The following DIAPH3 variants were observed in gnomAD, a reference collection of about 807,000 sequenced individuals.
DIAPH3 encodes diaphanous related formin 3, also known as protein diaphanous homolog 3.
A neutral mutation model predicts 144.3 loss-of-function variants in DIAPH3; 117 were observed. The ratio of observed to expected loss-of-function variants is 0.81; its 90% CI spans 0.70 to 0.95. DIAPH3 has a LOEUF of 0.95. DIAPH3 is among the 40% of genes least tolerant of loss of function. The pLI is 0.00. For missense variants in DIAPH3, 1,421 were observed against 1,412.7 expected (o/e 1.01, Z -0.09); for synonymous variants, 519 against 488.9 (o/e 1.06, Z -0.81).
chr13:59,895,389 T>C (rs1248100796), intron 20 of DIAPH3, among the ~76,000 whole-genome samples: 2 of 110,044 alleles, frequency 1.8e-5, no homozygotes, highest in East Asian at 2.6e-4. Flanking sequence ...TAATGGAAAA[T>C]AGCAGACTTG....
At chr13:59,744,728 T>C (rs1232234174) in intron 27 of DIAPH3, among the ~76,000 whole-genome samples, 2 of 152,196 alleles carry the variant, frequency 1.3e-5, no homozygotes, top group Non-Finnish European at 2.9e-5. Context: ...TGATTAGCTT[T>C]CTTTGGCCAG....
At chr13:59,779,754 T>C (rs2038634996) in intron 25 of DIAPH3, among the ~76,000 whole-genome samples, 1 of 152,074 alleles carries the variant, frequency 6.6e-6, no homozygotes, top group African/African-American at 2.4e-5. Flanking sequence ...TCAGGTTATC[T>C]GCCAGCCTAG....
intron 17 of DIAPH3, among the ~76,000 whole-genome samples, chr13:59,952,585 G>A (rs1376026096): frequency 1.3e-5 from 2 of 152,066 alleles, no homozygotes; most frequent in East Asian, 1.9e-4. Context: ...GAAAAAAAAG[G>A]TGAATCATTT....
intron 4 of DIAPH3, among the ~76,000 whole-genome samples, chr13:60,075,413 GT>G (rs1566742099): frequency 6.6e-6 from 1 of 152,030 alleles, no homozygotes; most frequent in Non-Finnish European, 1.5e-5. Flanking sequence ...CCATACAAAA[GT>G]TTTTAGTTGT....
At chr13:59,983,956 T>G (rs961861081) in intron 12 of DIAPH3, 69 bp from the exon 13 acceptor site, 9 of 969,294 alleles carry the variant, frequency 9.3e-6, no homozygotes, top group African/African-American at 4.9e-5. Context: ...ACAAAACTTT[T>G]TGGCTAAGAT....
chr13:60,053,249 C>T (rs113463865), intron 4 of DIAPH3, among the ~76,000 whole-genome samples: 1,797 of 152,038 alleles, frequency 0.012, 13 homozygotes, highest in Non-Finnish European at 0.017. Context: ...AGGATACTCA[C>T]GGCTGCATAT....
At chr13:59,779,937 A>G (rs957374543) in intron 25 of DIAPH3, among the ~76,000 whole-genome samples, 3 of 152,236 alleles carry the variant, frequency 2.0e-5, no homozygotes, top group African/African-American at 7.2e-5. Context: ...AGATGGGGAC[A>G]TATAAAGAAG....
chr13:59,671,051 G>A (rs2032347160), intron 27 of DIAPH3, among the ~76,000 whole-genome samples: 1 of 152,326 alleles, frequency 6.6e-6, no homozygotes, highest in East Asian at 1.9e-4. Context: ...AAGGCCAGGT[G>A]TCTTTTGTTA....
chr13:60,003,476 T>A (rs1237554592), intron 9 of DIAPH3, among the ~76,000 whole-genome samples: 2 of 151,584 alleles, frequency 1.3e-5, no homozygotes, highest in African/African-American at 4.8e-5. Context: ...TAGATTTATA[T>A]TTGTACTTTC....
chr13:60,142,999 T>C (rs568591011), intron 1 of DIAPH3, among the ~76,000 whole-genome samples: 5 of 152,136 alleles, frequency 3.3e-5, no homozygotes, highest in African/African-American at 1.2e-4. Flanking sequence ...GTGATCCTTC[T>C]GCCTCAGCCT....
chr13:60,000,412 C>T (rs1380056177), intron 9 of DIAPH3, among the ~76,000 whole-genome samples: 1 of 151,372 alleles, frequency 6.6e-6, no homozygotes, highest in Non-Finnish European at 1.5e-5. Flanking sequence ...ATATATCCTA[C>T]CACAATAGGA....
At chr13:59,967,050 C>T (rs1275069213) in intron 17 of DIAPH3, among the ~76,000 whole-genome samples, 1 of 151,602 alleles carries the variant, frequency 6.6e-6, no homozygotes, top group Non-Finnish European at 1.5e-5. Flanking sequence ...TGGGGGTTTG[C>T]CTGTTTTTGT....
intron 4 of DIAPH3, among the ~76,000 whole-genome samples, chr13:60,054,876 T>C (rs1427581564): frequency 1.3e-5 from 2 of 151,924 alleles, no homozygotes; most frequent in Admixed American, 6.6e-5. Flanking sequence ...TCAGAACATA[T>C]ACAAACAGAT....
At chr13:59,855,076 G>A (rs2043186340) in intron 22 of DIAPH3, among the ~76,000 whole-genome samples, 1 of 151,940 alleles carries the variant, frequency 6.6e-6, no homozygotes, top group African/African-American at 2.4e-5. Context: ...GTGATTTTTG[G>A]GACATTCTCT....
At chr13:60,004,581 A>G (rs1210879978) in intron 9 of DIAPH3, among the ~76,000 whole-genome samples, 1 of 152,206 alleles carries the variant, frequency 6.6e-6, no homozygotes, top group Non-Finnish European at 1.5e-5. Flanking sequence ...TTTGAATAGA[A>G]AAAATAAGAA....
intron 24 of DIAPH3, among the ~76,000 whole-genome samples, chr13:59,820,959 T>C (rs1285691413): frequency 1.3e-5 from 2 of 151,814 alleles, no homozygotes; most frequent in Non-Finnish European, 2.9e-5. Context: ...TATTATAATA[T>C]CCTGTATATT....
chr13:59,723,548 C>T (rs10507638), intron 27 of DIAPH3, among the ~76,000 whole-genome samples: 6,488 of 151,956 alleles, frequency 0.043, 230 homozygotes, highest in South Asian at 0.11. Flanking sequence ...TGGTAAAAGT[C>T]TGTTTTGTCG....
intron 25 of DIAPH3, among the ~76,000 whole-genome samples, chr13:59,799,375 G>GCGCACACA (rs1357000533): frequency 1.4e-5 from 2 of 139,246 alleles, no homozygotes; most frequent in African/African-American, 5.3e-5. Flanking sequence ...CTGGAAATAT[G>GCGCACACA]CACACACACA....
chr13:59,940,423 C>T (rs1173570863), intron 17 of DIAPH3, among the ~76,000 whole-genome samples: 2 of 152,108 alleles, frequency 1.3e-5, no homozygotes, highest in Non-Finnish European at 2.9e-5. Flanking sequence ...AAGACATACA[C>T]CAACAAGCCA....
Sources: gnomAD v4.1 joint callset for allele counts (sites outside exome capture counted in the v4.1 genomes callset) on GRCh38, gnomAD v4.1.1 for gene constraint, MANE v1.5 for transcripts, NCBI Gene and HGNC (gene_info 2026-07-23, HGNC 2026-07-21) for gene names.